TBXAS1: variants seen among roughly 807,000 people sequenced by gnomAD.
TBXAS1 encodes the protein thromboxane-A synthase.
In TBXAS1, 48 loss-of-function variants were observed where a neutral mutation model predicts 60.7. That is an observed-to-expected ratio of 0.79 (90% CI 0.63 to 1.01). TBXAS1 has a LOEUF of 1.01. TBXAS1 is among the 50% of genes least tolerant of loss of function. TBXAS1 has a pLI of 0.00. For synonymous variants in TBXAS1, 287 were observed against 269.7 expected, an observed-to-expected ratio of 1.06 and a Z score of -0.63; for missense variants, 685 against 686.3, an observed-to-expected ratio of 1.00 and a Z score of 0.02.
chr7:139,866,655 G>A (rs943463633), intron 1 of TBXAS1, among the ~76,000 whole-genome samples: 2 of 151,900 alleles, frequency 1.3e-5, no homozygotes, highest in Non-Finnish European at 2.9e-5. Context: ...CTACTTCGGA[G>A]GCTGAGGTGA....
In TBXAS1 at chr7:139,943,645, G is replaced by A. The variant is rs528724816; in HGVS notation, c.450+7338G>A. Among the ~76,000 whole-genome samples the A allele has an allele frequency of 3.3e-5, 5 of 152,318 alleles. No individual in the cohort carries two copies. In the South Asian group the frequency reaches 6.2e-4, roughly 19 times the overall value. ...TCTAATTGGTCACAAGTCTTGACAG[G>A]AGCCACTGACTTATTAGAAATGACA... is the stretch of plus-strand genomic sequence containing the variant. On this transcript the variant is annotated intron_variant, in intron 5 of 12. Coordinates refer to ENST00000448866, the MANE Select transcript of TBXAS1 (RefSeq NM_001061.7).
At chr7:139,889,945 T>A (rs1027040382) in intron 3 of TBXAS1, among the ~76,000 whole-genome samples, 4 of 151,862 alleles carry the variant, frequency 2.6e-5, no homozygotes, top group Non-Finnish European at 5.9e-5. Context: ...ACTCAGAGGA[T>A]CAGGAAGCTG....
intron 4 of TBXAS1, among the ~76,000 whole-genome samples, chr7:139,935,044 C>T (rs2117187120): frequency 6.6e-6 from 1 of 152,316 alleles, no homozygotes; most frequent in South Asian, 2.1e-4. Flanking sequence ...GAACTCCTGA[C>T]CTCAGGTGAT....
intron 9 of TBXAS1, among the ~76,000 whole-genome samples, chr7:140,002,856 G>A (rs1051529266): frequency 3.3e-5 from 5 of 152,028 alleles, no homozygotes; most frequent in Non-Finnish European, 7.4e-5. Context: ...GGGCGCGGTG[G>A]CTCACACCTG....
intron 3 of TBXAS1, among the ~76,000 whole-genome samples, chr7:139,884,201 C>T (rs1373693883): frequency 2.0e-5 from 3 of 152,240 alleles, no homozygotes; most frequent in Non-Finnish European, 2.9e-5. Context: ...GACCAGCTCC[C>T]GCACCTGACT....
chr7:139,783,435 G>A (rs1184674651), intron 3 of TBXAS1, among the ~76,000 whole-genome samples: 1 of 152,134 alleles, frequency 6.6e-6, no homozygotes, highest in South Asian at 2.1e-4. Flanking sequence ...TTTGTTGGAG[G>A]TTGCGGGAAT....
At position 139,936,657 on chromosome 7, in the gene TBXAS1, G is replaced by T. The variant is rs557450050; in HGVS notation, c.450+350G>T. The stretch of plus-strand genomic sequence containing the variant: ...TGTCATGCATAATGGATCACCTAGG[G>T]ATCTGGCTACAAAGCAGGCTCTGAT... On this transcript the variant is annotated intron_variant, in intron 5 of 12. Transcript: ENST00000448866. Among the ~76,000 whole-genome samples the T allele has an allele frequency of 4.6e-5, 7 of 152,336 alleles. No individual in the cohort carries two copies. In the South Asian group the frequency reaches 1.5e-3, roughly 32 times the overall value.
At chr7:139,905,051 CTTTCTT>C (rs1181779359) in intron 3 of TBXAS1, among the ~76,000 whole-genome samples, 2,255 of 83,948 alleles carry the variant, frequency 0.027, 25 homozygotes, top group African/African-American at 0.045. Flanking sequence ...TTCTTTCTTT[CTTTCTT>C]TCTCTCTCTC....
intron 9 of TBXAS1, among the ~76,000 whole-genome samples, chr7:139,988,091 G>A (rs1812634998): frequency 6.6e-6 from 1 of 152,274 alleles, no homozygotes; most frequent in Non-Finnish European, 1.5e-5. Flanking sequence ...CCAGCAGGAC[G>A]CCAGGGGACA....
At chr7:139,843,544 T>C (rs1799608697) in intron 1 of TBXAS1, among the ~76,000 whole-genome samples, 1 of 152,148 alleles carries the variant, frequency 6.6e-6, no homozygotes, top group African/African-American at 2.4e-5. Flanking sequence ...GGTTTCATCA[T>C]GTTGGCCAGT....
intron 3 of TBXAS1, among the ~76,000 whole-genome samples, chr7:139,782,989 C>T (rs55826011): frequency 0.11 from 17,041 of 152,162 alleles, 1,178 homozygotes; most frequent in Non-Finnish European, 0.16. Context: ...AACCTTTGAT[C>T]GGTTTCAATG....
intron 3 of TBXAS1, among the ~76,000 whole-genome samples, chr7:139,786,506 G>C (rs1797205442): frequency 6.6e-6 from 1 of 151,844 alleles, no homozygotes. Flanking sequence ...CAACTTCAAG[G>C]CTTAATTTTA....
At chr7:139,924,219 C>A (rs559067997) in intron 4 of TBXAS1, among the ~76,000 whole-genome samples, 13 of 152,094 alleles carry the variant, frequency 8.5e-5, no homozygotes, top group Non-Finnish European at 1.8e-4. Context: ...TTTTTTGAGG[C>A]GCCTCCAAAC....
chr7:140,001,480 C>A (rs924564088), intron 9 of TBXAS1, among the ~76,000 whole-genome samples: 36 of 152,288 alleles, frequency 2.4e-4, no homozygotes, highest in Admixed American at 2.3e-3. Flanking sequence ...CAACCTCTAC[C>A]TCCCAGGCTC....
At chr7:139,879,832 TTGTGTGTGTGTGTGTGTGTGTGTG>T (rs57176056) in intron 3 of TBXAS1, among the ~76,000 whole-genome samples, 3 of 140,506 alleles carry the variant, frequency 2.1e-5, no homozygotes, top group East Asian at 2.1e-4. Flanking sequence ...TTATCTCATT[TTGTGTGTGTGTGTGTGTGTGTGTG>T]TGTGTGTGTG....
At chr7:139,943,416 A>G (rs180806179) in intron 5 of TBXAS1, among the ~76,000 whole-genome samples, 2 of 152,324 alleles carry the variant, frequency 1.3e-5, no homozygotes, top group East Asian at 1.9e-4. Context: ...TCTGGTTTAA[A>G]TGTTCCTTTT....
intron 5 of TBXAS1, among the ~76,000 whole-genome samples, chr7:139,951,949 GAA>G (rs199596199): frequency 6.7e-5 from 3 of 44,454 alleles, no homozygotes; most frequent in African/African-American, 9.3e-5. Context: ...AGGAAAGAAA[GAA>G]AAGAAAGAAA....
intron 1 of TBXAS1, among the ~76,000 whole-genome samples, chr7:139,842,925 T>C (rs976462805): frequency 2.6e-5 from 4 of 152,198 alleles, no homozygotes; most frequent in Admixed American, 6.5e-5. Flanking sequence ...GTGTCAGAGA[T>C]GATCTGAAAG....
intron 3 of TBXAS1, among the ~76,000 whole-genome samples, chr7:139,884,164 C>T (rs1277235314): frequency 1.3e-5 from 2 of 152,260 alleles, no homozygotes; most frequent in African/African-American, 4.8e-5. Flanking sequence ...TGAAACCGAA[C>T]TCCAGTGGAA....
Sources: allele counts gnomAD v4.1 joint callset (sites outside exome capture counted in the v4.1 genomes callset), GRCh38; gene constraint gnomAD v4.1.1; transcripts MANE v1.5; gene names NCBI Gene and HGNC (gene_info 2026-07-23, HGNC 2026-07-21).